CPED1: variants seen among roughly 807,000 people sequenced by gnomAD.
The protein encoded by CPED1 is cadherin like and PC-esterase domain containing 1.
A neutral mutation model predicts 128.2 loss-of-function variants in CPED1; 114 were observed. That is an observed-to-expected ratio of 0.89 (90% CI 0.76 to 1.04). CPED1 has a LOEUF of 1.04. CPED1 is among the 50% of genes least tolerant of loss of function. CPED1 has a pLI of 0.00. For missense variants in CPED1, 1,211 were observed against 1,207.1 expected (o/e 1.00, Z -0.05); for synonymous variants, 462 against 426.7 (o/e 1.08, Z -1.02).
intron 2 of CPED1, among the ~76,000 whole-genome samples, chr7:120,991,684 A>T (rs2116726147): frequency 6.6e-6 from 1 of 152,300 alleles, no homozygotes; most frequent in East Asian, 1.9e-4. Flanking sequence ...TCAACTTTGA[A>T]TCTCCTACTA....
At chr7:121,177,362 C>T (rs1316798953) in intron 16 of CPED1, among the ~76,000 whole-genome samples, 2 of 151,930 alleles carry the variant, frequency 1.3e-5, no homozygotes, top group African/African-American at 4.8e-5. Flanking sequence ...GTTCTGTCTC[C>T]TTGCCTACTC....
At chr7:121,177,857 G>C (rs1014016758) in intron 16 of CPED1, among the ~76,000 whole-genome samples, 1 of 152,086 alleles carries the variant, frequency 6.6e-6, no homozygotes, top group African/African-American at 2.4e-5. Flanking sequence ...AGGGGGTAAA[G>C]TTGTTATAGC....
At chr7:121,278,031 G>T (rs777465271) in intron 22 of CPED1, among the ~76,000 whole-genome samples, 2 of 152,056 alleles carry the variant, frequency 1.3e-5, no homozygotes, top group Non-Finnish European at 2.9e-5. Context: ...CATGAAGCAG[G>T]GGAGTCCTTT....
intron 2 of CPED1, among the ~76,000 whole-genome samples, chr7:121,014,107 A>C (rs1439249086): frequency 6.6e-6 from 1 of 152,260 alleles, no homozygotes; most frequent in Non-Finnish European, 1.5e-5. Flanking sequence ...AAGTGAAATA[A>C]CGAAAAGAGG....
chr7:121,150,032 A>T (rs1796120450), intron 16 of CPED1, among the ~76,000 whole-genome samples: 1 of 152,094 alleles, frequency 6.6e-6, no homozygotes, highest in Admixed American at 6.6e-5. Context: ...GAGATCTTAG[A>T]TACGAAGTAT....
intron 22 of CPED1, among the ~76,000 whole-genome samples, chr7:121,294,175 T>C (rs1432416523): frequency 6.6e-6 from 1 of 152,156 alleles, no homozygotes; most frequent in Non-Finnish European, 1.5e-5. Context: ...GTTTGTAAAA[T>C]GTACAAGTAG....
intron 16 of CPED1, among the ~76,000 whole-genome samples, chr7:121,146,610 T>A (rs1796029089): frequency 6.6e-6 from 1 of 152,106 alleles, no homozygotes; most frequent in South Asian, 2.1e-4. Context: ...AGCATACCAG[T>A]CAATTAAAAA....
intron 4 of CPED1, chr7:121,051,370 C>CTTTTT: frequency 2.6e-6 from 1 of 380,552 alleles, no homozygotes; most frequent in Non-Finnish European, 4.9e-6. Context: ...ATGTAAATGC[C>CTTTTT]TTTTTTTTTT....
chr7:121,103,766 G>A (rs1253232717), intron 7 of CPED1, among the ~76,000 whole-genome samples: 6 of 152,100 alleles, frequency 3.9e-5, no homozygotes. Context: ...TATGTACTGT[G>A]TGATGAGGCA....
At chr7:121,171,309 G>C (rs1299471062) in intron 16 of CPED1, among the ~76,000 whole-genome samples, 1 of 152,096 alleles carries the variant, frequency 6.6e-6, no homozygotes, top group African/African-American at 2.4e-5. Context: ...CAAAGACTGA[G>C]TTTGTTTAAT....
At chr7:121,154,076 T>C (rs1796223208) in intron 16 of CPED1, among the ~76,000 whole-genome samples, 1 of 152,150 alleles carries the variant, frequency 6.6e-6, no homozygotes, top group Non-Finnish European at 1.5e-5. Flanking sequence ...AGATGAAGTA[T>C]TAAATCAAAA....
intron 16 of CPED1, among the ~76,000 whole-genome samples, chr7:121,168,597 A>T (rs991156659): frequency 2.6e-5 from 4 of 152,196 alleles, no homozygotes; most frequent in African/African-American, 4.8e-5. Flanking sequence ...AAAAAATCCA[A>T]TTACGCTCTT....
At chr7:121,017,699 T>A (rs1792336664) in intron 3 of CPED1, among the ~76,000 whole-genome samples, 1 of 152,192 alleles carries the variant, frequency 6.6e-6, no homozygotes. Context: ...TAGTTTTCTA[T>A]TTTCTCCAGC....
chr7:120,999,722 T>C (rs1791774626), intron 2 of CPED1, among the ~76,000 whole-genome samples: 1 of 152,194 alleles, frequency 6.6e-6, no homozygotes, highest in Non-Finnish European at 1.5e-5. Flanking sequence ...CTGATGAGCA[T>C]TTAATGTTTG....
chr7:121,174,471 A>T (rs1796731058), intron 16 of CPED1, among the ~76,000 whole-genome samples: 1 of 151,240 alleles, frequency 6.6e-6, no homozygotes, highest in African/African-American at 2.4e-5. Flanking sequence ...CATTTATTGA[A>T]TAGATAATCC....
intron 4 of CPED1, among the ~76,000 whole-genome samples, chr7:121,057,666 C>G (rs1337039292): frequency 1.3e-5 from 2 of 152,190 alleles, no homozygotes; most frequent in Non-Finnish European, 2.9e-5. Context: ...TAACTTTATT[C>G]TTGGTTTTAT....
In CPED1 at chr7:121,135,138, A is replaced by G. The variant is rs146485911; in HGVS notation, c.1649-902A>G. 3.6e-4 allele frequency among the ~76,000 whole-genome samples: 55 copies of G among 152,136 alleles called. 1 individual carries two copies. The highest frequency in any genetic ancestry group is 1.2e-3 in the African/African-American group (48 of 41,542). ...TCACCGTGAAGCTCAGGAAAAATCA[A>G]TGGTGACTTATATTTTTCCTCTTTG... On this transcript the variant is annotated intron_variant, in intron 13 of 22. Transcript: ENST00000310396.
intron 9 of CPED1, among the ~76,000 whole-genome samples, 165 bp from the exon 10 acceptor site, chr7:121,126,924 TA>T (rs1016299922): frequency 3.0e-4 from 46 of 152,116 alleles, no homozygotes; most frequent in Admixed American, 2.2e-3. Context: ...ATTGTATCTT[TA>T]AAAAAAATTA....
At chr7:121,140,542 G>T (rs545684576) in intron 14 of CPED1, among the ~76,000 whole-genome samples, 1 of 151,888 alleles carries the variant, frequency 6.6e-6, no homozygotes, top group East Asian at 1.9e-4. Flanking sequence ...ACATTTTCCC[G>T]CCTTGTGTGC....
Sources: gnomAD v4.1 joint callset for allele counts (sites outside exome capture counted in the v4.1 genomes callset) on GRCh38, gnomAD v4.1.1 for gene constraint, MANE v1.5 for transcripts, NCBI Gene and HGNC (gene_info 2026-07-23, HGNC 2026-07-21) for gene names.